The following FOXK2 variants were observed in gnomAD, a reference collection of about 807,000 sequenced individuals.
The protein encoded by FOXK2 is forkhead box protein K2.
A neutral mutation model predicts 53.3 loss-of-function variants in FOXK2; 24 were observed. The observed-to-expected ratio is 0.45, with a 90% CI of 0.33 to 0.63. The LOEUF is 0.63. Ranked by LOEUF, FOXK2 falls within the 30% of genes least tolerant of loss-of-function variation. The probability of loss-of-function intolerance (pLI) is 0.03; values close to 1 mark genes in which losing one functional copy is unlikely to be tolerated. For synonymous variants in FOXK2, 505 were observed against 407.1 expected (o/e 1.24, Z -2.89); for missense variants, 952 against 910.5 (o/e 1.05, Z -0.59).
intron 2 of FOXK2, among the ~76,000 whole-genome samples, chr17:82,567,109 C>CG (rs911659910): frequency 3.7e-4 from 56 of 150,242 alleles, no homozygotes; most frequent in African/African-American, 1.3e-3. Flanking sequence ...TTTCCCTCCT[C>CG]CCCCCCACCT....
intron 2 of FOXK2, among the ~76,000 whole-genome samples, chr17:82,567,612 C>G (rs1052471804): frequency 1.3e-5 from 2 of 152,278 alleles, no homozygotes; most frequent in Admixed American, 1.3e-4. Flanking sequence ...GCTGGCAGAC[C>G]CCTCCCCTCC....
At chr17:82,561,592 C>T (rs776571562) in intron 1 of FOXK2, among the ~76,000 whole-genome samples, 5 of 152,080 alleles carry the variant, frequency 3.3e-5, no homozygotes, top group African/African-American at 9.7e-5. Context: ...ACACCAAGAC[C>T]GTGGGGAGGA....
At chr17:82,572,619 T>C (rs1329085559) in intron 4 of FOXK2, among the ~76,000 whole-genome samples, 1 of 152,214 alleles carries the variant, frequency 6.6e-6, no homozygotes, top group Non-Finnish European at 1.5e-5. Context: ...ATGAGAATCT[T>C]GCTATTTGAA....
chr17:82,532,046 C>T (rs575508641), intron 1 of FOXK2, among the ~76,000 whole-genome samples: 7 of 152,092 alleles, frequency 4.6e-5, no homozygotes, highest in African/African-American at 1.7e-4. Context: ...GATGGGGTTT[C>T]ACCATGTTGT....
At chr17:82,541,050 G>A (rs936293401) in intron 1 of FOXK2, among the ~76,000 whole-genome samples, 4 of 152,054 alleles carry the variant, frequency 2.6e-5, no homozygotes, top group African/African-American at 9.7e-5. Context: ...CCCTCCCAGC[G>A]GTTGGAGGGT....
intron 1 of FOXK2, among the ~76,000 whole-genome samples, chr17:82,521,282 C>G (rs1337966395): frequency 1.3e-5 from 2 of 152,280 alleles, no homozygotes; most frequent in Non-Finnish European, 2.9e-5. Context: ...AAGTGGTTCT[C>G]CTGCCCCAGC....
chr17:82,559,316 C>G (rs1239450333), intron 1 of FOXK2: 2 of 450,898 alleles, frequency 4.4e-6, no homozygotes, highest in Non-Finnish European at 9.0e-6. Flanking sequence ...ATCTCTGCTA[C>G]TGGCTGGCGA....
chr17:82,561,929 G>A (rs2044799619), intron 1 of FOXK2, among the ~76,000 whole-genome samples: 3 of 152,078 alleles, frequency 2.0e-5, no homozygotes, highest in Admixed American at 2.0e-4. Flanking sequence ...GCCCGCACTG[G>A]GCGCACAGAT....
intron 4 of FOXK2, among the ~76,000 whole-genome samples, chr17:82,579,959 A>G (rs1424409635): frequency 9.6e-6 from 1 of 104,646 alleles, no homozygotes; most frequent in Non-Finnish European, 1.9e-5. Flanking sequence ...CATGTCGCCC[A>G]TGAAGTAGCT....
chr17:82,549,301 T>C (rs538925885), intron 1 of FOXK2, among the ~76,000 whole-genome samples: 14 of 152,166 alleles, frequency 9.2e-5, no homozygotes, highest in Non-Finnish European at 1.6e-4. Context: ...AACTTCCTTA[T>C]CACAGTTACA....
chr17:82,539,383 A>C (rs1457365460), intron 1 of FOXK2, among the ~76,000 whole-genome samples: 1 of 152,018 alleles, frequency 6.6e-6, no homozygotes, highest in Non-Finnish European at 1.5e-5. Context: ...GTGGTGGCTC[A>C]GGCCTGTAGT....
chr17:82,525,061 C>T lies in FOXK2; in HGVS notation c.419+4754C>T, dbSNP rs139647256. Among the ~76,000 whole-genome samples, 1,301 of 151,712 alleles carry T rather than the reference C, an allele frequency of 8.6e-3. 28 individuals carry two copies. The highest frequency in any genetic ancestry group is 0.03 in the African/African-American group (1,249 of 41,334). On this transcript the variant is annotated intron_variant, in intron 1 of 8. Transcript: ENST00000335255. ...CACGATCTCGGCTCACTGCAACCTC[C>T]GCCTCCCGGGTTCAAGTGATTATCC...
At chr17:82,590,690 A>G (rs2045244681) in intron 8 of FOXK2, among the ~76,000 whole-genome samples, 1 of 152,198 alleles carries the variant, frequency 6.6e-6, no homozygotes, top group Non-Finnish European at 1.5e-5. Context: ...TGCCAGTCAC[A>G]TGAAATTTTT....
intron 1 of FOXK2, among the ~76,000 whole-genome samples, chr17:82,544,338 C>CT (rs938144890): frequency 2.0e-5 from 3 of 152,010 alleles, no homozygotes; most frequent in Non-Finnish European, 2.9e-5. Context: ...TGGATTTATT[C>CT]TTTTTTTTAT....
chr17:82,539,494 A>G (rs1231853999), intron 1 of FOXK2, among the ~76,000 whole-genome samples: 1 of 151,982 alleles, frequency 6.6e-6, no homozygotes, highest in Non-Finnish European at 1.5e-5. Context: ...AAAAAAAATG[A>G]AACAATTAGC....
intron 1 of FOXK2, among the ~76,000 whole-genome samples, chr17:82,534,377 T>A (rs910972254): frequency 2.0e-5 from 3 of 152,254 alleles, no homozygotes; most frequent in African/African-American, 7.2e-5. Flanking sequence ...CTTGTCGTAC[T>A]GCTTGATAGT....
At chr17:82,595,642 C>T in intron 8 of FOXK2, 1 of 548,364 alleles carries the variant, frequency 1.8e-6, no homozygotes, top group Non-Finnish European at 2.8e-6. Context: ...GAGTGCTATA[C>T]ATGTGGTCAC....
intron 1 of FOXK2, among the ~76,000 whole-genome samples, chr17:82,548,906 A>G (rs916135979): frequency 1.2e-4 from 18 of 152,158 alleles, no homozygotes; most frequent in African/African-American, 3.4e-4. Flanking sequence ...GCATCGGCAC[A>G]GGAGGGCTGT....
intron 1 of FOXK2, among the ~76,000 whole-genome samples, chr17:82,537,917 CAAA>C (rs568515827): frequency 1.8e-4 from 12 of 67,500 alleles, no homozygotes; most frequent in Non-Finnish European, 3.1e-4. Context: ...ACTCTGTCTC[CAAA>C]AAAAAAAAAA....
Sources: gnomAD v4.1 joint callset for allele counts (sites outside exome capture counted in the v4.1 genomes callset) on GRCh38, gnomAD v4.1.1 for gene constraint, MANE v1.5 for transcripts, NCBI Gene and HGNC (gene_info 2026-07-23, HGNC 2026-07-21) for gene names.